Variants in CPEB4 observed in about 807,000 individuals in gnomAD.
The protein encoded by CPEB4 is cytoplasmic polyadenylation element-binding protein 4.
CPEB4 carries 12 observed loss-of-function variants against 72.5 expected under a neutral mutation model. The ratio of observed to expected loss-of-function variants is 0.17; its 90% CI spans 0.11 to 0.27. The LOEUF (loss-of-function observed/expected upper bound fraction) is 0.27. CPEB4 is among the 10% of genes least tolerant of loss of function. CPEB4 has a pLI of 1.00. For missense variants in CPEB4, 614 were observed against 908.5 expected (o/e 0.68, Z 4.17); for synonymous variants, 302 against 326.3 (o/e 0.93, Z 0.80).
chr5:173,928,115 A>G (rs1287094555), intron 2 of CPEB4, among the ~76,000 whole-genome samples: 12 of 152,206 alleles, frequency 7.9e-5, no homozygotes, highest in Non-Finnish European at 1.2e-4. Context: ...TGAGACAATA[A>G]AAAGGTCAGG....
chr5:173,945,140 G>A lies in CPEB4; in HGVS notation c.1456G>A (p.Asp486Asn). 1 of 1,612,970 alleles carries A rather than the reference G, an allele frequency of 6.2e-7. No homozygotes were observed. The highest frequency in any genetic ancestry group is 8.5e-7 in the Non-Finnish European group (1 of 1,179,236). ...CGGATTGCCTCCAGACATTGATGAA[G>A]GTATGTTTAGAACTGTTTATAGCAC... The part of the protein sequence containing the change: ...VGGLPPDIDE[D>N]EITASFRRFG... Residue 486 changes from aspartate to asparagine, a missense_variant and splice_region_variant, in exon 5 of 10, where the codon GAT becomes AAT. Physicochemically the swap from Asp to Asn is conservative, Grantham distance 23 (BLOSUM62 1). This residue lies in a region of CPEB4 where 25 missense variants were observed against 68.9 expected (regional missense o/e 0.36). Coordinates refer to ENST00000265085, the MANE Select transcript of CPEB4 (RefSeq NM_030627.4).
In CPEB4 at chr5:173,889,937, T is replaced by C; in HGVS notation, c.204T>C (p.His68=). The C allele has an allele frequency of 2.5e-6, 4 of 1,614,126 alleles. No individual in the cohort carries two copies. Among genetic ancestry groups the C allele is most frequent in the African/African-American group, 1.3e-5 (1 of 75,020 alleles). ...SAWLFPAPAT[H]NIQDEILGSE... ...GGCTTTTTCCTGCTCCAGCTACCCA[T>C]AACATTCAGGATGAGATCTTGGGGT... Residue 68 remains histidine, a synonymous_variant, in exon 1 of 10, where the codon CAT becomes CAC. Transcript: ENST00000265085.
At chr5:173,921,026 A>G (rs1310961817) in intron 2 of CPEB4, among the ~76,000 whole-genome samples, 1 of 152,224 alleles carries the variant, frequency 6.6e-6, no homozygotes, top group Non-Finnish European at 1.5e-5. Context: ...GAATTATTTG[A>G]TAGAGCCTGT....
At chr5:173,953,035 T>G in intron 8 of CPEB4, 56 bp from the exon 9 acceptor site, 2 of 1,430,760 alleles carry the variant, frequency 1.4e-6, no homozygotes, top group Non-Finnish European at 1.9e-6. Flanking sequence ...AAACGGTTGG[T>G]GAGCCAGATG....
intron 2 of CPEB4, chr5:173,918,199 TTC>T (rs1244049197): frequency 6.6e-6 from 1 of 152,276 alleles, no homozygotes; most frequent in African/African-American, 2.4e-5. Flanking sequence ...TAAACAGTCT[TTC>T]TCTTGCCTTG....
Position 173,958,014 on chromosome 5 carries a change from T to G in CPEB4, c.*1877T>G, listed in dbSNP as rs1437065008. ...GTAGCTGGTCAGGGACTTTTTTTTC[T>G]TTTCTCCTGAACTACATGATTCTAA... On this transcript the variant is annotated 3_prime_UTR_variant, in exon 10 of 10. Coordinates refer to ENST00000265085, the MANE Select transcript of CPEB4 (RefSeq NM_030627.4). 1 of 152,766 alleles carries G rather than the reference T, an allele frequency of 6.5e-6. No homozygotes were observed. Among genetic ancestry groups the G allele is most frequent in the Non-Finnish European group, 1.5e-5 (1 of 68,036 alleles). 9.5% of individuals were successfully genotyped at this position (152,766 alleles called of 1,614,324 possible).
In CPEB4 at chr5:173,950,107, C is replaced by T. The variant is rs1386654161; in HGVS notation, c.1665+29C>T. The T allele has an allele frequency of 1.5e-6, 2 of 1,359,476 alleles. No individual in the cohort carries two copies. The highest frequency in any genetic ancestry group is 4.0e-5 in the Admixed American group (2 of 49,498). 84.2% of individuals were successfully genotyped at this position (1,359,476 alleles called of 1,614,324 possible). Reference sequence around the variant, plus strand: ...AGTGTGGTTTAGCATAAAATAGCTTCTTGTTTTTGCCTCCATTCATCTGTT... The same window carrying T: ...AGTGTGGTTTAGCATAAAATAGCTTTTTGTTTTTGCCTCCATTCATCTGTT... On this transcript the variant is annotated intron_variant, in intron 7 of 9. Coordinates refer to ENST00000265085, the MANE Select transcript of CPEB4 (RefSeq NM_030627.4). The surrounding 1 kb of genome is among the most constrained non-coding windows in gnomAD (Gnocchi z 5.0).
rs1758196138 is a variant in CPEB4 at position 173,950,935 on chromosome 5, G to C, written c.1665+857G>C. 6.6e-6 allele frequency among the ~76,000 whole-genome samples: 1 copy of C among 152,226 alleles called. No individual in the cohort carries two copies. The stretch of plus-strand genomic sequence containing the variant: ...TTTTGATGACTCTGGCAAAGCAGCA[G>C]TTTATTATCACTCAGCCAGCACCCA... On this transcript the variant is annotated intron_variant, in intron 7 of 9. Transcript: ENST00000265085. The surrounding 1 kb of genome is among the most constrained non-coding windows in gnomAD (Gnocchi z 5.0).
Position 173,902,489 on chromosome 5 carries a change from A to AGTG in CPEB4, c.1126-8017_1126-8015dup, listed in dbSNP as rs528106527. 5.9e-4 allele frequency among the ~76,000 whole-genome samples: 89 copies of AGTG among 152,064 alleles called. 1 individual carries two copies. The highest frequency in any genetic ancestry group is 6.8e-3 in the Middle Eastern group (2 of 292). ...CAAGTATAAAAAGAAGCAATAATAG[A>AGTG]GTGGTGGTGGTGGTGGTGGGTAGCA... On this transcript the variant is annotated intron_variant, in intron 1 of 9. Coordinates refer to ENST00000265085, the MANE Select transcript of CPEB4 (RefSeq NM_030627.4).
At chr5:173,953,313 C>A in intron 9 of CPEB4, 41 bp downstream of exon 9, 3 of 1,377,732 alleles carry the variant, frequency 2.2e-6, no homozygotes, top group South Asian at 1.8e-5. Flanking sequence ...TAGAAATGGT[C>A]CTCTAAATGT....
At chr5:173,908,665 G>A (rs1449516493) in intron 1 of CPEB4, among the ~76,000 whole-genome samples, 1 of 151,910 alleles carries the variant, frequency 6.6e-6, no homozygotes, top group Non-Finnish European at 1.5e-5. Flanking sequence ...GAAATGTTAG[G>A]TCCATCCAAA....
chr5:173,898,466 C>T (rs1347275926), intron 1 of CPEB4, among the ~76,000 whole-genome samples: 1 of 152,190 alleles, frequency 6.6e-6, no homozygotes, highest in East Asian at 1.9e-4. Context: ...AGGCAAGCTA[C>T]AGCACCTTCT....
At position 173,953,270 on chromosome 5, in the gene CPEB4, C is replaced by A; in HGVS notation, c.1960C>A (p.Arg654=). Residue 654 remains arginine, a splice_region_variant and synonymous_variant, in exon 9 of 10, where the codon CGG becomes AGG. Coordinates refer to ENST00000265085, the MANE Select transcript of CPEB4 (RefSeq NM_030627.4). ...GCTGCAGCATGGAGAGATAGATAAACGGGTAAGCCTTATACTACATTTTGG... is the reference window on the plus strand; with the variant it reads ...GCTGCAGCATGGAGAGATAGATAAAAGGGTAAGCCTTATACTACATTTTGG... ...VQLQHGEIDK[R]VEVKPYVLDD... 6.3e-7 allele frequency: 1 copy of A among 1,579,608 alleles called. No homozygotes were observed. Among genetic ancestry groups the A allele is most frequent in the Non-Finnish European group, 8.6e-7 (1 of 1,160,798 alleles).
At chr5:173,937,592 A>C (rs1240996745) in intron 3 of CPEB4, among the ~76,000 whole-genome samples, 8 of 152,228 alleles carry the variant, frequency 5.3e-5, no homozygotes, top group Non-Finnish European at 1.0e-4. Flanking sequence ...TTAACCTTAA[A>C]ATGCTAATGA....
At chr5:173,916,783 A>G (rs926050167) in intron 2 of CPEB4, among the ~76,000 whole-genome samples, 1 of 152,200 alleles carries the variant, frequency 6.6e-6, no homozygotes, top group Non-Finnish European at 1.5e-5. Context: ...CATGAAACTC[A>G]AGTTGAAAGT....
At chr5:173,924,629 A>G (rs1192560236) in intron 2 of CPEB4, among the ~76,000 whole-genome samples, 1 of 152,238 alleles carries the variant, frequency 6.6e-6, no homozygotes, top group Non-Finnish European at 1.5e-5. Context: ...TGCAAACATT[A>G]TCTCAAGACT....
chr5:173,920,352 G>A (rs1205158991), intron 2 of CPEB4, among the ~76,000 whole-genome samples: 2 of 152,170 alleles, frequency 1.3e-5, no homozygotes, highest in Admixed American at 6.5e-5. Context: ...ACAATAAAGA[G>A]CAAGTCTTAA....
At chr5:173,914,044 T>C (rs1258180930) in intron 2 of CPEB4, among the ~76,000 whole-genome samples, 1 of 152,242 alleles carries the variant, frequency 6.6e-6, no homozygotes, top group East Asian at 1.9e-4. Context: ...TTGAGTATAT[T>C]ACAGGAAGCT....
intron 4 of CPEB4, among the ~76,000 whole-genome samples, chr5:173,944,400 A>G (rs1757944771): frequency 1.3e-5 from 2 of 151,780 alleles, no homozygotes; most frequent in Non-Finnish European, 2.9e-5. Flanking sequence ...ACTTGAGCAC[A>G]AGAGTTTGAG....
Sources: allele counts gnomAD v4.1 joint callset (sites outside exome capture counted in the v4.1 genomes callset), GRCh38; gene constraint gnomAD v4.1.1; regional missense constraint gnomAD v4.1.1; non-coding constraint Gnocchi (gnomAD v3.1); transcripts MANE v1.5; gene names NCBI Gene and HGNC (gene_info 2026-07-23, HGNC 2026-07-21).